VGLL4: variants seen among roughly 807,000 people sequenced by gnomAD.
The protein encoded by VGLL4 is vestigial like family member 4.
A neutral mutation model predicts 21.0 loss-of-function variants in VGLL4; 7 were observed. That is an observed-to-expected ratio of 0.33 (90% CI 0.19 to 0.63). The LOEUF (loss-of-function observed/expected upper bound fraction) is 0.63, where lower values mean the gene tolerates loss of function less well. VGLL4 is among the 20% of genes least tolerant of loss of function. The pLI is 0.78. For synonymous variants in VGLL4, 222 were observed against 173.2 expected (o/e 1.28, Z -2.21); for missense variants, 394 against 425.7 (o/e 0.93, Z 0.66).
chr3:11,673,528 A>G (rs981664578), intron 2 of VGLL4, among the ~76,000 whole-genome samples: 27 of 152,186 alleles, frequency 1.8e-4, no homozygotes, highest in African/African-American at 6.5e-4. Flanking sequence ...ATGAAAATAT[A>G]TCAGTGGAAT....
intron 3 of VGLL4, among the ~76,000 whole-genome samples, chr3:11,564,372 C>A (rs1002579860): frequency 4.0e-5 from 6 of 150,742 alleles, no homozygotes; most frequent in Non-Finnish European, 7.4e-5. Flanking sequence ...CATTTCCCTT[C>A]ATCCGCGTGA....
At position 11,682,631 on chromosome 3, in the gene VGLL4, T is replaced by C. The variant is rs1017887004; in HGVS notation, c.64+20340A>G. On this transcript the variant is annotated intron_variant, in intron 2 of 5. Coordinates refer to the VGLL4 transcript ENST00000273038. The stretch of plus-strand genomic sequence containing the variant: ...TTGAAATGCCTCCTTTCAATAGCGA[T>C]GGAAAGTGGAAGAGTACCAGGAGTA... 1.6e-4 allele frequency among the ~76,000 whole-genome samples: 25 copies of C among 152,098 alleles called. 1 individual carries two copies. The highest frequency in any genetic ancestry group is 3.3e-4 in the Admixed American group (5 of 15,272).
chr3:11,628,454 A>C (rs1010104817), intron 1 of VGLL4, among the ~76,000 whole-genome samples: 7 of 152,200 alleles, frequency 4.6e-5, no homozygotes, highest in South Asian at 2.1e-4. Context: ...CAATGTGTTG[A>C]CTAAAAAATA....
chr3:11,600,690 G>C (rs991437945), intron 2 of VGLL4, among the ~76,000 whole-genome samples: 19 of 152,194 alleles, frequency 1.2e-4, no homozygotes, highest in African/African-American at 4.6e-4. Flanking sequence ...GAGGACGCTG[G>C]AGCTGAGGCA....
chr3:11,696,631 A>T (rs929520224), intron 2 of VGLL4, among the ~76,000 whole-genome samples: 4 of 152,228 alleles, frequency 2.6e-5, no homozygotes, highest in Non-Finnish European at 5.9e-5. Flanking sequence ...CCTAAAATCA[A>T]TGTAAGGAGC....
intron 1 of VGLL4, among the ~76,000 whole-genome samples, chr3:11,631,907 C>T (rs903973211): frequency 3.9e-5 from 6 of 152,198 alleles, no homozygotes; most frequent in African/African-American, 1.4e-4. Flanking sequence ...GAGGTCAGAG[C>T]TCATCATCAG....
intron 2 of VGLL4, among the ~76,000 whole-genome samples, chr3:11,588,495 G>A (rs1383371734): frequency 6.6e-6 from 1 of 152,194 alleles, no homozygotes; most frequent in Non-Finnish European, 1.5e-5. Flanking sequence ...GTGTCACCCT[G>A]TGGTGGACTG....
intron 2 of VGLL4, among the ~76,000 whole-genome samples, chr3:11,589,707 G>A (rs533316923): frequency 2.2e-4 from 34 of 152,260 alleles, no homozygotes; most frequent in East Asian, 2.1e-3. Flanking sequence ...TCTGAGATTC[G>A]GACGCCAGCA....
At chr3:11,655,462 T>C (rs1575499407) in intron 2 of VGLL4, among the ~76,000 whole-genome samples, 1 of 152,322 alleles carries the variant, frequency 6.6e-6, no homozygotes, top group East Asian at 1.9e-4. Context: ...TGGTCATTTG[T>C]ATTTAAACAA....
At chr3:11,671,517 G>C in intron 2 of VGLL4, 1 of 611,790 alleles carries the variant, frequency 1.6e-6, no homozygotes, top group Non-Finnish European at 3.0e-6. Flanking sequence ...TTCGCAGTCT[G>C]CCCTGCAGAG....
intron 1 of VGLL4, among the ~76,000 whole-genome samples, chr3:11,607,794 A>C (rs1575447332): frequency 6.6e-6 from 1 of 152,238 alleles, no homozygotes; most frequent in African/African-American, 2.4e-5. Context: ...CTAGAATATT[A>C]AAGTCAGATA....
intron 1 of VGLL4, among the ~76,000 whole-genome samples, chr3:11,629,831 C>G (rs1575472093): frequency 1.3e-5 from 2 of 150,990 alleles, no homozygotes; most frequent in East Asian, 3.9e-4. Flanking sequence ...CTCAAAGAAT[C>G]TAAAGAGGGA....
At chr3:11,602,095 C>T (rs2074818549) in intron 1 of VGLL4, 73 bp from the exon 2 acceptor site, 6 of 1,373,120 alleles carry the variant, frequency 4.4e-6, no homozygotes, top group Non-Finnish European at 4.8e-6. Flanking sequence ...GCTCCCCGCC[C>T]GCCCAGCCAG....
At chr3:11,573,304 A>AAAGAAAGGAAGGAAGG (rs2073896708) in intron 2 of VGLL4, among the ~76,000 whole-genome samples, 1 of 12,070 alleles carries the variant, frequency 8.3e-5, no homozygotes, top group Non-Finnish European at 1.4e-4. Context: ...AGAAAGAAAG[A>AAAGAAAGGAAGGAAGG]AAGGAAGGAA....
At chr3:11,636,287 A>C (rs1464688847) in intron 1 of VGLL4, among the ~76,000 whole-genome samples, 1 of 152,226 alleles carries the variant, frequency 6.6e-6, no homozygotes, top group Non-Finnish European at 1.5e-5. Flanking sequence ...TCTGCATCAA[A>C]CCATTAGAGT....
chr3:11,706,181 T>G (rs2346023), intron 1 of VGLL4, among the ~76,000 whole-genome samples: 110,613 of 152,084 alleles, frequency 0.73, 40,703 homozygotes, highest in African/African-American at 0.82. Flanking sequence ...CATAGCGGAA[T>G]ATTAGACATT....
chr3:11,602,077 T>C, intron 1 of VGLL4, 55 bp from the exon 2 acceptor site: 1 of 1,415,796 alleles, frequency 7.1e-7, no homozygotes, highest in Non-Finnish European at 9.2e-7. Context: ...CCCATCTCAG[T>C]CCCCCAGGCT....
At chr3:11,650,764 A>T (rs953313032) in intron 2 of VGLL4, among the ~76,000 whole-genome samples, 1 of 149,672 alleles carries the variant, frequency 6.7e-6, no homozygotes, top group African/African-American at 2.4e-5. Context: ...CTTTAACCTG[A>T]TGTAAATAAT....
intron 2 of VGLL4, among the ~76,000 whole-genome samples, chr3:11,700,570 TG>T (rs2076667589): frequency 6.6e-6 from 1 of 152,026 alleles, no homozygotes; most frequent in South Asian, 2.1e-4. Flanking sequence ...AGATCCAAGC[TG>T]GTGGTAGGCC....
Sources: gnomAD v4.1 joint callset for allele counts (sites outside exome capture counted in the v4.1 genomes callset) on GRCh38, gnomAD v4.1.1 for gene constraint, MANE v1.5 for transcripts, NCBI Gene and HGNC (gene_info 2026-07-23, HGNC 2026-07-21) for gene names.